The following WDR76 variants were observed in gnomAD, a reference collection of about 807,000 sequenced individuals.
WDR76 encodes WD repeat-containing protein 76.
A neutral mutation model predicts 70.2 loss-of-function variants in WDR76; 52 were observed. The observed-to-expected ratio is 0.74, with a 90% confidence interval of 0.59 to 0.93. The LOEUF is 0.93. WDR76 is among the 40% of genes least tolerant of loss of function. The probability of loss-of-function intolerance (pLI) is 0.00; values close to 1 mark genes in which losing one functional copy is unlikely to be tolerated. For synonymous variants in WDR76, 292 were observed against 271.1 expected, an observed-to-expected ratio of 1.08 and a Z score of -0.76; for missense variants, 756 against 760.2, an observed-to-expected ratio of 0.99 and a Z score of 0.07.
chr15:43,834,323 G>C (rs928649204), intron 2 of WDR76, among the ~76,000 whole-genome samples: 2 of 144,652 alleles, frequency 1.4e-5, no homozygotes, highest in African/African-American at 2.6e-5. Flanking sequence ...TTTTTGAGAC[G>C]GAGTTTCGCT....
At chr15:43,830,463 G>A (rs2087573251) in intron 2 of WDR76, among the ~76,000 whole-genome samples, 1 of 151,446 alleles carries the variant, frequency 6.6e-6, no homozygotes, top group Non-Finnish European at 1.5e-5. Context: ...TAGGGAGGCC[G>A]AGGCAGGAGA....
At chr15:43,832,222 C>T (rs1009606498) in intron 2 of WDR76, among the ~76,000 whole-genome samples, 2 of 151,406 alleles carry the variant, frequency 1.3e-5, no homozygotes, top group African/African-American at 4.9e-5. Context: ...TTTTTTTCCC[C>T]TCTGCATGCT....
At position 43,851,808 on chromosome 15, in the gene WDR76, G is replaced by T. The variant is rs889037653; in HGVS notation, c.1191+563G>T. On this transcript the variant is annotated intron_variant, in intron 9 of 12. Coordinates refer to ENST00000263795, the MANE Select transcript of WDR76 (RefSeq NM_024908.4). ...ATATTAGCTGAGCTTGGTGGTGTGT[G>T]CCTGTAGTCTCAGCTACTCAGGAGG... 3.3e-5 allele frequency among the ~76,000 whole-genome samples: 5 copies of T among 152,182 alleles called. No individual in the cohort carries two copies. The East Asian group carries it at 7.7e-4, about 23-fold the overall frequency.
chr15:43,863,626 C>T (rs1397892361), intron 12 of WDR76, among the ~76,000 whole-genome samples: 1 of 151,670 alleles, frequency 6.6e-6, no homozygotes, highest in African/African-American at 2.4e-5. Flanking sequence ...GTGGCATGAT[C>T]ATGGCTCACT....
At chr15:43,848,610 A>G (rs1300485950) in intron 8 of WDR76, among the ~76,000 whole-genome samples, 6 of 152,206 alleles carry the variant, frequency 3.9e-5, no homozygotes, top group Admixed American at 3.9e-4. Flanking sequence ...AACACCCTCC[A>G]CCGCCATACA....
At chr15:43,830,882 C>A (rs2087579038) in intron 2 of WDR76, among the ~76,000 whole-genome samples, 1 of 151,976 alleles carries the variant, frequency 6.6e-6, no homozygotes, top group Non-Finnish European at 1.5e-5. Context: ...GCCTGTCTCT[C>A]CTAAATATAA....
At chr15:43,843,285 T>C (rs1357182812) in intron 7 of WDR76, among the ~76,000 whole-genome samples, 1 of 152,162 alleles carries the variant, frequency 6.6e-6, no homozygotes, top group Non-Finnish European at 1.5e-5. Context: ...ACTCCCAAAG[T>C]GCTGGGATTA....
intron 12 of WDR76, among the ~76,000 whole-genome samples, chr15:43,865,162 C>A (rs1351060569): frequency 1.3e-5 from 2 of 150,906 alleles, no homozygotes; most frequent in African/African-American, 4.9e-5. Context: ...GTGGTGCAAT[C>A]TCGGCTCACT....
At chr15:43,861,465 T>C in intron 12 of WDR76, 79 bp downstream of exon 12, 1 of 1,316,838 alleles carries the variant, frequency 7.6e-7, no homozygotes, top group Non-Finnish European at 1.1e-6. Context: ...AGACATCTGA[T>C]TGTCAAAGAG....
chr15:43,868,064 T>A lies in WDR76; in HGVS notation c.*1672T>A, dbSNP rs186796654. ...CTAAGTGTAAAAAGGTTTAGTTTTT[T>A]AATAGGTTTAGGTGTTTATAAGCAA... On this transcript the variant is annotated 3_prime_UTR_variant, in exon 13 of 13. Coordinates refer to ENST00000263795, the MANE Select transcript of WDR76 (RefSeq NM_024908.4). 2.0e-5 allele frequency: 3 copies of A among 152,322 alleles called. No individual in the cohort carries two copies. The highest frequency in any genetic ancestry group is 2.9e-5 in the Non-Finnish European group (2 of 68,024). The allele number at this position is 152,322 out of a possible 1,614,324, so 9.4% of individuals were successfully genotyped here.
chr15:43,843,195 T>C (rs561741766), intron 7 of WDR76, among the ~76,000 whole-genome samples: 1 of 152,096 alleles, frequency 6.6e-6, no homozygotes, highest in South Asian at 2.1e-4. Flanking sequence ...CACTAATTTT[T>C]GTATTTGTAG....
chr15:43,841,009 C>G (rs1280136117), intron 5 of WDR76, among the ~76,000 whole-genome samples: 1 of 151,004 alleles, frequency 6.6e-6, no homozygotes, highest in Non-Finnish European at 1.5e-5. Context: ...ATGTGGTGCA[C>G]TTTGGTATTT....
At chr15:43,853,633 C>T (rs1001161897) in intron 9 of WDR76, among the ~76,000 whole-genome samples, 8 of 151,814 alleles carry the variant, frequency 5.3e-5, no homozygotes, top group African/African-American at 1.9e-4. Flanking sequence ...GCACCGGGTG[C>T]GGTGGCTCAC....
At chr15:43,837,077 C>G (rs1019206893) in intron 4 of WDR76, among the ~76,000 whole-genome samples, 6 of 151,092 alleles carry the variant, frequency 4.0e-5, no homozygotes, top group Non-Finnish European at 7.4e-5. Flanking sequence ...CAACTATTTG[C>G]TGAAAGTCAA....
At chr15:43,858,855 A>C in intron 11 of WDR76, 32 bp downstream of exon 11, 1 of 1,607,018 alleles carries the variant, frequency 6.2e-7, no homozygotes, top group East Asian at 2.2e-5. Context: ...GTTTTTAGGG[A>C]ATCTAAAGAG....
At chr15:43,837,161 TA>T (rs1185474745) in intron 4 of WDR76, among the ~76,000 whole-genome samples, 3 of 152,112 alleles carry the variant, frequency 2.0e-5, no homozygotes, top group Non-Finnish European at 4.4e-5. Context: ...CATTGCATTT[TA>T]GCAGTGCTTA....
At chr15:43,835,288 G>T in intron 3 of WDR76, 138 bp downstream of exon 3, 1 of 618,450 alleles carries the variant, frequency 1.6e-6, no homozygotes, top group Non-Finnish European at 2.7e-6. Flanking sequence ...GTAACATACG[G>T]AGACCCGCCC....
chr15:43,846,450 A>C (rs1460116766), intron 8 of WDR76, among the ~76,000 whole-genome samples: 2 of 148,692 alleles, frequency 1.3e-5, no homozygotes, highest in Non-Finnish European at 3.0e-5. Context: ...ACACCTGGCT[A>C]ATTTTTTAAC....
chr15:43,841,327 G>A (rs556690392), intron 5 of WDR76, among the ~76,000 whole-genome samples: 90 of 148,638 alleles, frequency 6.1e-4, no homozygotes, highest in Middle Eastern at 7.0e-3. Flanking sequence ...CTCAGCCTCC[G>A]CTGGGACTAT....
Sources: allele counts gnomAD v4.1 joint callset (sites outside exome capture counted in the v4.1 genomes callset), GRCh38; gene constraint gnomAD v4.1.1; transcripts MANE v1.5; gene names NCBI Gene and HGNC (gene_info 2026-07-23, HGNC 2026-07-21).